GRIN2A: variants seen among roughly 807,000 people sequenced by gnomAD.
GRIN2A encodes the protein glutamate receptor ionotropic, NMDA 2A.
In GRIN2A, 22 loss-of-function variants were observed where a neutral mutation model predicts 113.4. The observed-to-expected ratio is 0.19, with a 90% CI of 0.14 to 0.28. The LOEUF (loss-of-function observed/expected upper bound fraction) is 0.28, where lower values mean the gene tolerates loss of function less well. Among genes scored for constraint, GRIN2A ranks in the 10% least tolerant of loss-of-function variants. The probability of loss-of-function intolerance (pLI) is 1.00; values close to 1 mark genes in which losing one functional copy is unlikely to be tolerated. For synonymous variants in GRIN2A, 827 were observed against 738.4 expected (o/e 1.12, Z -1.94); for missense variants, 1,502 against 1,887.0 (o/e 0.80, Z 3.78).
At chr16:9,952,789 A>G (rs771173240) in intron 2 of GRIN2A, among the ~76,000 whole-genome samples, 2 of 152,178 alleles carry the variant, frequency 1.3e-5, no homozygotes, top group Non-Finnish European at 2.9e-5. Context: ...GATTAAAGAC[A>G]TTCAAATAAT....
rs374118265 is a variant in GRIN2A, at chr16:10,080,988, T to C, written c.414+99010A>G. Among the ~76,000 whole-genome samples, 17 of 152,300 alleles carry C rather than the reference T, an allele frequency of 1.1e-4. No homozygotes were observed. The South Asian group carries it at 3.5e-3, about 32-fold the overall frequency. ...AGATCTTGTACTGCAGAATCCACTGTTGCTCATACAATTCTGAGTTGTACC... is the reference window on the plus strand; with the variant it reads ...AGATCTTGTACTGCAGAATCCACTGCTGCTCATACAATTCTGAGTTGTACC... On this transcript the variant is annotated intron_variant, in intron 2 of 12. Transcript: ENST00000330684.
chr16:10,095,067 G>A (rs1189719385), intron 2 of GRIN2A, among the ~76,000 whole-genome samples: 1 of 152,022 alleles, frequency 6.6e-6, no homozygotes, highest in Non-Finnish European at 1.5e-5. Flanking sequence ...GAACTTGTAA[G>A]TAGAGGAAGA....
intron 11 of GRIN2A, among the ~76,000 whole-genome samples, chr16:9,786,461 C>G (rs1902237102): frequency 6.6e-6 from 1 of 152,056 alleles, no homozygotes; most frequent in Non-Finnish European, 1.5e-5. Context: ...AGGTCATTTT[C>G]TCTCCCACCC....
intron 4 of GRIN2A, among the ~76,000 whole-genome samples, chr16:9,858,790 C>G (rs975738657): frequency 1.3e-5 from 2 of 152,054 alleles, no homozygotes; most frequent in Non-Finnish European, 2.9e-5. Flanking sequence ...TTGTATGTCT[C>G]AAGTTAATAT....
rs1406415937 is a variant in GRIN2A, at chr16:10,060,614, T to C, written c.414+119384A>G. Among the ~76,000 whole-genome samples, 3 of 152,364 alleles carry C rather than the reference T, an allele frequency of 2.0e-5. No homozygotes were observed. The East Asian group carries it at 5.8e-4, about 29-fold the overall frequency. ...TGCTTGATCTTCAATGTATCATTTG[T>C]TCCTGCAAGAAAGTCATGATTACTT... is the stretch of plus-strand genomic sequence containing the variant. On this transcript the variant is annotated intron_variant, in intron 2 of 12. Coordinates refer to ENST00000330684, the MANE Select transcript of GRIN2A (RefSeq NM_001134407.3).
intron 2 of GRIN2A, among the ~76,000 whole-genome samples, chr16:10,050,942 T>G (rs1296096139): frequency 6.6e-6 from 1 of 152,152 alleles, no homozygotes; most frequent in Non-Finnish European, 1.5e-5. Context: ...ATGTGCCACT[T>G]TAAGCTAAGA....
chr16:10,049,024 C>T (rs767269546), intron 2 of GRIN2A, among the ~76,000 whole-genome samples: 3 of 152,090 alleles, frequency 2.0e-5, no homozygotes, highest in African/African-American at 4.8e-5. Flanking sequence ...ACCTCCCAGT[C>T]GTTGCTATTC....
chr16:10,166,174 C>T (rs548674588), intron 2 of GRIN2A, among the ~76,000 whole-genome samples: 1 of 152,320 alleles, frequency 6.6e-6, no homozygotes, highest in Admixed American at 6.5e-5. Context: ...ATATGGATTT[C>T]AAATGCCACT....
intron 2 of GRIN2A, among the ~76,000 whole-genome samples, chr16:10,072,750 T>G (rs201861849): frequency 6.6e-6 from 1 of 152,172 alleles, no homozygotes; most frequent in East Asian, 1.9e-4. Flanking sequence ...TTAGATTCAG[T>G]ATTTCTGGGG....
chr16:10,119,096 A>C (rs1435754557), intron 2 of GRIN2A, among the ~76,000 whole-genome samples: 1 of 152,218 alleles, frequency 6.6e-6, no homozygotes, highest in African/African-American at 2.4e-5. Flanking sequence ...AGCAGGAAGC[A>C]AACTTCTACT....
chr16:9,865,144 T>C (rs1362670545), intron 4 of GRIN2A, among the ~76,000 whole-genome samples: 2 of 152,158 alleles, frequency 1.3e-5, no homozygotes, highest in Admixed American at 1.3e-4. Flanking sequence ...CAACAGAAGA[T>C]TTAATAGTGA....
intron 4 of GRIN2A, among the ~76,000 whole-genome samples, chr16:9,889,865 C>T (rs2043658978): frequency 6.6e-6 from 1 of 152,156 alleles, no homozygotes; most frequent in South Asian, 2.1e-4. Context: ...TTGTTTTATG[C>T]TCCAGAATGT....
At chr16:9,894,175 T>A (rs1050470378) in intron 3 of GRIN2A, among the ~76,000 whole-genome samples, 30 of 152,250 alleles carry the variant, frequency 2.0e-4, no homozygotes, top group South Asian at 1.0e-3. Context: ...TAACACACGC[T>A]AGAGGAAGTA....
chr16:10,134,745 C>G (rs980822401), intron 2 of GRIN2A, among the ~76,000 whole-genome samples: 1 of 152,126 alleles, frequency 6.6e-6, no homozygotes, highest in Non-Finnish European at 1.5e-5. Flanking sequence ...CCTTATGGGT[C>G]TCCTGAGTAT....
chr16:10,088,627 T>A (rs4780793), intron 2 of GRIN2A, among the ~76,000 whole-genome samples: 85,109 of 152,122 alleles, frequency 0.56, 25,422 homozygotes, highest in Admixed American at 0.67. Context: ...TTCAAAGAAA[T>A]GTTTCCTCCC....
At chr16:9,962,648 T>C (rs538998129) in intron 2 of GRIN2A, among the ~76,000 whole-genome samples, 73 of 152,076 alleles carry the variant, frequency 4.8e-4, no homozygotes, top group African/African-American at 1.5e-3. Flanking sequence ...AATAGGAACA[T>C]TTTTACACTG....
chr16:10,143,635 G>A (rs1041685887), intron 2 of GRIN2A, among the ~76,000 whole-genome samples: 40 of 152,064 alleles, frequency 2.6e-4, no homozygotes, highest in African/African-American at 8.7e-4. Flanking sequence ...AATAATCAGG[G>A]GGTTGGTAAG....
chr16:10,092,729 G>A (rs2142085760), intron 2 of GRIN2A, among the ~76,000 whole-genome samples: 1 of 152,266 alleles, frequency 6.6e-6, no homozygotes, highest in East Asian at 1.9e-4. Flanking sequence ...CACACAGCAA[G>A]CTAGTAGAGA....
intron 11 of GRIN2A, among the ~76,000 whole-genome samples, chr16:9,797,637 G>C (rs1017310917): frequency 2.1e-4 from 32 of 152,204 alleles, no homozygotes; most frequent in African/African-American, 7.5e-4. Context: ...CTAGGAAAGA[G>C]TCTTTGACCT....
Sources: gnomAD v4.1 joint callset for allele counts (sites outside exome capture counted in the v4.1 genomes callset) on GRCh38, gnomAD v4.1.1 for gene constraint, MANE v1.5 for transcripts, NCBI Gene and HGNC (gene_info 2026-07-23, HGNC 2026-07-21) for gene names.